PLEKHA6: variants seen among roughly 807,000 people sequenced by gnomAD.
PLEKHA6 encodes the protein pleckstrin homology domain-containing family A member 6.
PLEKHA6 carries 60 observed loss-of-function variants against 116.7 expected under a neutral mutation model. That is an observed-to-expected ratio of 0.51 (90% CI 0.42 to 0.64). PLEKHA6 has a LOEUF of 0.64. Among genes scored for constraint, PLEKHA6 ranks in the 30% least tolerant of loss-of-function variants. The pLI is 0.00. For synonymous variants in PLEKHA6, 489 were observed against 556.1 expected (o/e 0.88, Z 1.70); for missense variants, 1,338 against 1,422.7 (o/e 0.94, Z 0.96).
chr1:204,363,376 C>G (rs1673596019), upstream of PLEKHA6, among the ~76,000 whole-genome samples: 1 of 152,244 alleles, frequency 6.6e-6, no homozygotes, highest in South Asian at 2.1e-4. Context: ...CCTGCACATT[C>G]TCGCACCTTC....
intron 1 of PLEKHA6, among the ~76,000 whole-genome samples, chr1:204,354,111 T>C (rs4951069): frequency 0.64 from 97,134 of 152,128 alleles, 34,554 homozygotes; most frequent in East Asian, 0.83. Flanking sequence ...ATGCCTGTTC[T>C]TCTCAGATCA....
Position 204,292,101 on chromosome 1 carries a change from G to A in PLEKHA6, c.-94-17292C>T, listed in dbSNP as rs376981343. Among the ~76,000 whole-genome samples, 27 of 152,272 alleles carry A rather than the reference G, an allele frequency of 1.8e-4. 2 individuals carry two copies. Among genetic ancestry groups the A allele is most frequent in the South Asian group, 4.1e-4 (2 of 4,828 alleles). On this transcript the variant is annotated intron_variant, in intron 1 of 22. Transcript: ENST00000272203. ...AGAGATGAACATGTGTCCTGAATCC[G>A]CCTTTACTCTTCTCATGGATTTAGA...
rs2102355084 is a variant in PLEKHA6 at position 204,222,739 on chromosome 1, T to C, written c.*49A>G. ...GCAGAGGACGGCTTCAGAATGTGGC[T>C]CTGTGGAGCTTCACAGCATTGGCCT... On this transcript the variant is annotated 3_prime_UTR_variant, in exon 23 of 23. Coordinates refer to ENST00000272203, the MANE Select transcript of PLEKHA6 (RefSeq NM_014935.5). The C allele has an allele frequency of 1.3e-5, 2 of 152,998 alleles. No homozygotes were observed. Among genetic ancestry groups the C allele is most frequent in the Non-Finnish European group, 2.9e-5 (2 of 68,240 alleles). The allele number at this position is 152,998 out of a possible 1,614,324, so 9.5% of individuals were successfully genotyped here.
At chr1:204,324,672 G>C (rs554955576) in intron 1 of PLEKHA6, among the ~76,000 whole-genome samples, 7 of 152,336 alleles carry the variant, frequency 4.6e-5, no homozygotes, top group Admixed American at 3.9e-4. Flanking sequence ...AAAGCTGAAG[G>C]CTTTATGTCT....
rs993662047 is a variant in PLEKHA6 at position 204,326,941 on chromosome 1, G to A, written c.-95+32753C>T. 4.8e-5 allele frequency: 47 copies of A among 981,480 alleles called. No homozygotes were observed. The African/African-American group carries it at 5.6e-4, about 12-fold the overall frequency. The allele number at this position is 981,480 out of a possible 1,614,324, so 60.8% of individuals were successfully genotyped here. A position where few individuals can be genotyped will look rare whatever the true frequency, so the allele number is the denominator to read the frequency against. ...TCACTGCCCAAACCCTGGGGCCTCC[G>A]CACTTAGGCAGGGAGTGGTCCAGGC... On this transcript the variant is annotated intron_variant, in intron 1 of 22. Coordinates refer to ENST00000272203, the MANE Select transcript of PLEKHA6 (RefSeq NM_014935.5).
Position 204,275,662 on chromosome 1 carries a change from G to A in PLEKHA6, c.-94-853C>T, listed in dbSNP as rs1022819205. Reference sequence around the variant, plus strand: ...ACAGTTCCCCAGGAGGCTCTCAGGGGAGATGGGGAGGAAGGCAGCAGACAG... The same window carrying A: ...ACAGTTCCCCAGGAGGCTCTCAGGGAAGATGGGGAGGAAGGCAGCAGACAG... On this transcript the variant is annotated intron_variant, in intron 1 of 22. Transcript: ENST00000272203. 7.1e-6 allele frequency: 7 copies of A among 980,124 alleles called. No homozygotes were observed. The African/African-American group carries it at 1.1e-4, about 15-fold the overall frequency. 60.7% of individuals were successfully genotyped at this position (980,124 alleles called of 1,614,324 possible).
chr1:204,235,955 C>T (rs1469217881), intron 17 of PLEKHA6, among the ~76,000 whole-genome samples: 2 of 152,186 alleles, frequency 1.3e-5, no homozygotes, highest in Admixed American at 1.3e-4. Context: ...ACCCCCAACA[C>T]CTCTGTTTGC....
At chr1:204,297,273 G>A in intron 1 of PLEKHA6, 3 of 884,582 alleles carry the variant, frequency 3.4e-6, no homozygotes, top group Non-Finnish European at 4.1e-6. Context: ...GTGTCTAAAT[G>A]TAAATTTCTC....
At position 204,257,647 on chromosome 1, in the gene PLEKHA6, C is replaced by A. The variant is rs201516065; in HGVS notation, c.1230G>T (p.Lys410Asn). The A allele has an allele frequency of 6.0e-4, 972 of 1,610,154 alleles. 5 individuals carry two copies. The highest frequency in any genetic ancestry group is 5.5e-3 in the East Asian group (245 of 44,826). The change falls in exon 9 of 23, where the codon AAG becomes AAT. Residue 410 changes from lysine to asparagine, a missense_variant. Around this residue, in one of 3 missense-constraint regions of PLEKHA6, gnomAD observed 1,136 missense variants for 1,163.6 expected, o/e 0.98. Transcript: ENST00000272203. This position sits in a 1 kb window ranked among gnomAD's most constrained non-coding sequence, Gnocchi z 6.5. Reference protein sequence around the residue: ...GGPAYQLREWKEPASYGRQDA... With the variant: ...GGPAYQLREWNEPASYGRQDA... ...CCTGCCGCCCGTAGCTGGCGGGCTC[C>A]TTCCACTCTCGCAGCTGGTAGGCAG...
At chr1:204,273,876 G>A in intron 2 of PLEKHA6, 136 bp from the exon 3 acceptor site, 1 of 645,908 alleles carries the variant, frequency 1.5e-6, no homozygotes, top group Non-Finnish European at 2.8e-6. Flanking sequence ...GCCATTGAGG[G>A]GTCACCTCAG....
intron 1 of PLEKHA6, among the ~76,000 whole-genome samples, chr1:204,325,364 C>T (rs1317381618): frequency 1.3e-5 from 2 of 152,160 alleles, no homozygotes; most frequent in Non-Finnish European, 2.9e-5. Flanking sequence ...ACATGGTGGT[C>T]AACTGTCCCA....
intron 1 of PLEKHA6, among the ~76,000 whole-genome samples, chr1:204,294,846 C>T (rs1288290556): frequency 6.6e-6 from 1 of 152,204 alleles, no homozygotes; most frequent in Non-Finnish European, 1.5e-5. Flanking sequence ...GGTTCTGGCA[C>T]TTAGTAAATG....
At chr1:204,318,279 G>A (rs1671933963) in intron 1 of PLEKHA6, among the ~76,000 whole-genome samples, 1 of 152,096 alleles carries the variant, frequency 6.6e-6, no homozygotes, top group South Asian at 2.1e-4. Flanking sequence ...GAGAGCACAG[G>A]GCCAAGGGCT....
chr1:204,339,140 G>A (rs949625483), intron 1 of PLEKHA6, among the ~76,000 whole-genome samples: 2 of 152,200 alleles, frequency 1.3e-5, no homozygotes, highest in Admixed American at 6.5e-5. Context: ...ACGTGGAGAG[G>A]CCACTTGTGG....
At position 204,242,007 on chromosome 1, in the gene PLEKHA6, T is replaced by C. The variant is rs147599607; in HGVS notation, c.2173-193A>G. On this transcript the variant is annotated intron_variant, in intron 15 of 22. Transcript: ENST00000272203. ...GCCTCCCATTCGTGCACTTTAAGAC[T>C]GGTCAATGATGGGCCATCTTGAGGA... Among the ~76,000 whole-genome samples the C allele has an allele frequency of 4.9e-3, 744 of 152,340 alleles. 8 individuals are homozygous for C. Among genetic ancestry groups the C allele is most frequent in the African/African-American group, 0.017 (721 of 41,564 alleles).
intron 3 of PLEKHA6, among the ~76,000 whole-genome samples, chr1:204,366,858 C>T (rs904824842): frequency 5.3e-5 from 8 of 152,186 alleles, no homozygotes; most frequent in African/African-American, 7.2e-5. Flanking sequence ...GGATTGGAAA[C>T]GTAACCCCTC....
chr1:204,352,102 G>A (rs1209987880), intron 1 of PLEKHA6, among the ~76,000 whole-genome samples: 2 of 151,310 alleles, frequency 1.3e-5, no homozygotes, highest in Non-Finnish European at 2.9e-5. Flanking sequence ...GGCCAGGTGT[G>A]GTGGCTCACA....
intron 1 of PLEKHA6, among the ~76,000 whole-genome samples, chr1:204,306,408 C>G (rs1451977558): frequency 6.6e-6 from 1 of 152,184 alleles, no homozygotes; most frequent in Non-Finnish European, 1.5e-5. Flanking sequence ...TACCCACCAT[C>G]CACCAATCAC....
At chr1:204,323,533 C>T (rs554104700) in intron 1 of PLEKHA6, among the ~76,000 whole-genome samples, 1 of 152,332 alleles carries the variant, frequency 6.6e-6, no homozygotes, top group South Asian at 2.1e-4. Flanking sequence ...TTCTCAACTG[C>T]TGTCACAGCC....
Sources: gnomAD v4.1 joint callset for allele counts (sites outside exome capture counted in the v4.1 genomes callset) on GRCh38, gnomAD v4.1.1 for gene constraint, gnomAD v4.1.1 regional missense constraint, Gnocchi (gnomAD v3.1) non-coding constraint, MANE v1.5 for transcripts, NCBI Gene and HGNC (gene_info 2026-07-23, HGNC 2026-07-21) for gene names.